CHST11: variants seen among roughly 807,000 people sequenced by gnomAD.
The protein encoded by CHST11 is carbohydrate sulfotransferase 11, also known as C4S-1.
Under a neutral mutation model 30.4 loss-of-function variants are expected in CHST11, and 9 were observed. The ratio of observed to expected loss-of-function variants is 0.30; its 90% CI spans 0.18 to 0.52. The LOEUF (loss-of-function observed/expected upper bound fraction) is 0.52, where lower values mean the gene tolerates loss of function less well. CHST11 is among the 20% of genes least tolerant of loss of function. The pLI, the probability that CHST11 is intolerant of heterozygous loss-of-function variation, is 0.97. For missense variants in CHST11, 348 were observed against 460.6 expected (o/e 0.76, Z 2.24); for synonymous variants, 152 against 187.8 (o/e 0.81, Z 1.56).
intron 2 of CHST11, among the ~76,000 whole-genome samples, chr12:104,606,083 C>T (rs565927376): frequency 5.4e-5 from 8 of 147,324 alleles, no homozygotes; most frequent in Non-Finnish European, 1.0e-4. Flanking sequence ...TTGCATAGGG[C>T]ACAGCAGATC....
intron 1 of CHST11, among the ~76,000 whole-genome samples, chr12:104,503,902 A>G (rs1468473325): frequency 6.6e-6 from 1 of 152,168 alleles, no homozygotes; most frequent in Non-Finnish European, 1.5e-5. Context: ...TGGAGAGGAA[A>G]AAAAGTCATC....
chr12:104,727,691 A>G (rs1184812178), intron 2 of CHST11, among the ~76,000 whole-genome samples: 2 of 152,230 alleles, frequency 1.3e-5, no homozygotes, highest in Non-Finnish European at 1.5e-5. Context: ...CCAAGTAGAA[A>G]ATGCTTCATT....
rs1252350476 is a variant in CHST11 at position 104,760,088 on chromosome 12, CA to C, written c.*2290del. The C allele has an allele frequency of 2.0e-5, 3 of 152,064 alleles. No individual in the cohort carries two copies. Among genetic ancestry groups the C allele is most frequent in the Admixed American group, 1.3e-4 (2 of 15,264 alleles). 9.4% of individuals were successfully genotyped at this position (152,064 alleles called of 1,614,324 possible). A position where few individuals can be genotyped will look rare whatever the true frequency, so the allele number is the denominator to read the frequency against. On this transcript the variant is annotated 3_prime_UTR_variant, in exon 3 of 3. Coordinates refer to ENST00000303694, the MANE Select transcript of CHST11 (RefSeq NM_018413.6). ...ATGTGTGCTGTGCATGGTGAATCCCCAAAAATAATCCTTGAGTCTGTAGCAT... is the reference window on the plus strand; with the variant it reads ...ATGTGTGCTGTGCATGGTGAATCCCCAAAATAATCCTTGAGTCTGTAGCAT...
intron 1 of CHST11, among the ~76,000 whole-genome samples, chr12:104,544,378 G>T (rs375243797): frequency 5.9e-5 from 9 of 152,122 alleles, no homozygotes; most frequent in African/African-American, 1.9e-4. Context: ...GGATTGATAG[G>T]GAGAGAGGAG....
rs139837588 is a variant in CHST11 at position 104,519,782 on chromosome 12, T to C, written c.118+62253T>C. On this transcript the variant is annotated intron_variant, in intron 1 of 2. Transcript: ENST00000303694. ...TTTTCATTCCTCTAAGGCTGCAGCA[T>C]GGAAACATGGTTGAGTGGGGTTTGC... 1.6e-4 allele frequency among the ~76,000 whole-genome samples: 24 copies of C among 152,316 alleles called. No homozygotes were observed. The East Asian group carries it at 4.6e-3, about 29-fold the overall frequency.
intron 2 of CHST11, among the ~76,000 whole-genome samples, chr12:104,628,267 G>A (rs2136065659): frequency 6.6e-6 from 1 of 152,314 alleles, no homozygotes; most frequent in South Asian, 2.1e-4. Flanking sequence ...TTTCTTTTAA[G>A]GGATTTCTCT....
At chr12:104,618,224 CT>C (rs1375360622) in intron 2 of CHST11, among the ~76,000 whole-genome samples, 1,229 of 73,340 alleles carry the variant, frequency 0.017, 12 homozygotes, top group African/African-American at 0.045. Context: ...CTTTTCTTTT[CT>C]TTTTTTTTTT....
intron 2 of CHST11, among the ~76,000 whole-genome samples, chr12:104,750,966 A>T (rs1055180261): frequency 1.4e-4 from 21 of 152,128 alleles, no homozygotes; most frequent in Non-Finnish European, 1.8e-4. Flanking sequence ...CCTACCCCAG[A>T]GTCTTCCTGA....
intron 2 of CHST11, among the ~76,000 whole-genome samples, chr12:104,750,273 A>C (rs998683257): frequency 3.3e-5 from 5 of 151,910 alleles, no homozygotes; most frequent in African/African-American, 1.2e-4. Context: ...GCTCTACTCC[A>C]AACACCCTGA....
rs1425146505 is a variant in CHST11 at position 104,757,578 on chromosome 12, G to A, written c.834G>A (p.Lys278=). The part of the protein sequence containing the change: ...PCHIHYDLVG[K]YETLEEDSNY... ...ACATCCACTATGACCTCGTGGGCAA[G>A]TACGAGACACTGGAAGAGGATTCTA... The change falls in exon 3 of 3, where the codon AAG becomes AAA. Residue 278 remains lysine (K), a synonymous_variant. Coordinates refer to ENST00000303694, the MANE Select transcript of CHST11 (RefSeq NM_018413.6). The surrounding 1 kb of genome is among the most constrained non-coding windows in gnomAD (Gnocchi z 6.5). The A allele has an allele frequency of 6.2e-7, 1 of 1,614,102 alleles. No homozygotes were observed. Among genetic ancestry groups the A allele is most frequent in the African/African-American group, 1.3e-5 (1 of 74,926 alleles).
chr12:104,684,963 G>A (rs2039832881), intron 2 of CHST11, among the ~76,000 whole-genome samples: 1 of 152,200 alleles, frequency 6.6e-6, no homozygotes, highest in Non-Finnish European at 1.5e-5. Context: ...AATATATTAT[G>A]ATTAAAGTGC....
chr12:104,496,325 C>G (rs189204588), intron 1 of CHST11, among the ~76,000 whole-genome samples: 4 of 152,294 alleles, frequency 2.6e-5, no homozygotes, highest in Admixed American at 2.0e-4. Context: ...AATAAAAAAT[C>G]AATGTGACAC....
intron 1 of CHST11, among the ~76,000 whole-genome samples, chr12:104,522,290 G>T (rs1278028820): frequency 6.6e-6 from 1 of 152,158 alleles, no homozygotes; most frequent in African/African-American, 2.4e-5. Flanking sequence ...ACTGAGCCGT[G>T]TTATTTTTAA....
chr12:104,548,867 TG>T (rs2038378194), intron 1 of CHST11, among the ~76,000 whole-genome samples: 1 of 152,196 alleles, frequency 6.6e-6, no homozygotes, highest in Non-Finnish European at 1.5e-5. Flanking sequence ...TCAAGTAGAA[TG>T]GATTATTTTT....
intron 2 of CHST11, among the ~76,000 whole-genome samples, chr12:104,748,950 G>A (rs529668915): frequency 6.6e-6 from 1 of 152,178 alleles, no homozygotes; most frequent in African/African-American, 2.4e-5. Context: ...TTAGTACTCA[G>A]GGGTAGCCAG....
chr12:104,571,010 G>C (rs1592768607), intron 1 of CHST11, among the ~76,000 whole-genome samples: 1 of 151,366 alleles, frequency 6.6e-6, no homozygotes, highest in South Asian at 2.1e-4. Context: ...TTTCCTGAAT[G>C]ATATCATCTA....
Position 104,458,339 on chromosome 12 carries a change from A to G in CHST11, c.118+810A>G, listed in dbSNP as rs1000016456. Among the ~76,000 whole-genome samples the G allele has an allele frequency of 3.7e-4, 56 of 152,072 alleles. No individual in the cohort carries two copies. The highest frequency in any genetic ancestry group is 1.3e-3 in the African/African-American group (56 of 41,494). ...GGCTGACCGTCCGTTTGCATCCCCCACTTCTGGGATCCGAGCAACGGGAAT... is the reference window on the plus strand; with the variant it reads ...GGCTGACCGTCCGTTTGCATCCCCCGCTTCTGGGATCCGAGCAACGGGAAT... On this transcript the variant is annotated intron_variant, in intron 1 of 2. Coordinates refer to ENST00000303694, the MANE Select transcript of CHST11 (RefSeq NM_018413.6). This position sits in a 1 kb window ranked among gnomAD's most constrained non-coding sequence, Gnocchi z 5.7.
At chr12:104,512,678 A>C (rs996256978) in intron 1 of CHST11, among the ~76,000 whole-genome samples, 1 of 152,226 alleles carries the variant, frequency 6.6e-6, no homozygotes, top group African/African-American at 2.4e-5. Context: ...TTCTCTAAAC[A>C]AGAAGGAGCA....
intron 2 of CHST11, among the ~76,000 whole-genome samples, chr12:104,736,253 A>G (rs748348959): frequency 1.3e-5 from 2 of 152,150 alleles, no homozygotes; most frequent in East Asian, 1.9e-4. Flanking sequence ...AGAACATTCC[A>G]TGGAGAAGGA....
Sources: gnomAD v4.1 joint callset for allele counts (sites outside exome capture counted in the v4.1 genomes callset) on GRCh38, gnomAD v4.1.1 for gene constraint, Gnocchi (gnomAD v3.1) non-coding constraint, MANE v1.5 for transcripts, NCBI Gene and HGNC (gene_info 2026-07-23, HGNC 2026-07-21) for gene names.